The following RP9 variants were observed in gnomAD, a reference collection of about 807,000 sequenced individuals.
RP9 encodes the protein RP9 pre-mRNA splicing factor.
RP9 carries 23 observed loss-of-function variants against 32.6 expected under a neutral mutation model. The observed-to-expected ratio is 0.71, with a 90% confidence interval of 0.51 to 1.00. The LOEUF (loss-of-function observed/expected upper bound fraction) is 1.00. Among genes scored for constraint, RP9 ranks in the 50% least tolerant of loss-of-function variants. RP9 has a pLI of 0.00. For synonymous variants in RP9, 94 were observed against 103.6 expected (o/e 0.91, Z 0.56); for missense variants, 245 against 285.3 (o/e 0.86, Z 1.02).
intron 1 of RP9, among the ~76,000 whole-genome samples, chr7:33,103,662 T>TA (rs1342161965): frequency 6.6e-6 from 1 of 151,162 alleles, no homozygotes; most frequent in Admixed American, 6.6e-5. Context: ...AAAAAAAGTG[T>TA]AAAAAAACTA....
intron 1 of RP9, among the ~76,000 whole-genome samples, chr7:33,105,646 T>C (rs1417884024): frequency 6.6e-6 from 1 of 152,152 alleles, no homozygotes; most frequent in East Asian, 1.9e-4. Context: ...TCAGGACCCC[T>C]CATTCCAGAA....
chr7:33,102,021 C>T lies in RP9; in HGVS notation c.153-1460G>A, dbSNP rs191092748. Among the ~76,000 whole-genome samples the T allele has an allele frequency of 1.9e-4, 29 of 152,176 alleles. No homozygotes were observed. In the East Asian group the frequency reaches 5.0e-3, roughly 26 times the overall value. Reference sequence around the variant, plus strand: ...ATTATACAAAAAATATATGGCCAATCGAATTGAGATCCAAATTCTCAAAAA... The same window carrying T: ...ATTATACAAAAAATATATGGCCAATTGAATTGAGATCCAAATTCTCAAAAA... On this transcript the variant is annotated intron_variant, in intron 1 of 5. Coordinates refer to ENST00000297157, the MANE Select transcript of RP9 (RefSeq NM_203288.2).
chr7:33,107,403 G>T (rs999804536), intron 1 of RP9, among the ~76,000 whole-genome samples: 3 of 152,184 alleles, frequency 2.0e-5, no homozygotes, highest in African/African-American at 7.2e-5. Context: ...ACAAATAAGT[G>T]GAATTAACCA....
intron 1 of RP9, among the ~76,000 whole-genome samples, chr7:33,105,827 G>A (rs963026577): frequency 1.1e-4 from 17 of 152,154 alleles, no homozygotes; most frequent in Admixed American, 9.2e-4. Flanking sequence ...CATAAAAATA[G>A]TTTCCTCTGG....
rs971017973 is a variant in RP9 at position 33,100,393 on chromosome 7, C to T, written c.183+138G>A. ...CTTGTGACAAAACTAAAAATTATGA[C>T]CCCTCATTCATCTGCAGGAAAAGAA... is the stretch of plus-strand genomic sequence containing the variant. On this transcript the variant is annotated intron_variant, in intron 2 of 5. Coordinates refer to ENST00000297157, the MANE Select transcript of RP9 (RefSeq NM_203288.2). 141 of 774,040 alleles carry T rather than the reference C, an allele frequency of 1.8e-4. 1 individual carries two copies. In the East Asian group the frequency reaches 3.2e-3, roughly 17 times the overall value. 47.9% of individuals were successfully genotyped at this position (774,040 alleles called of 1,614,324 possible). A position where few individuals can be genotyped will look rare whatever the true frequency, so the allele number is the denominator to read the frequency against.
intron 1 of RP9, among the ~76,000 whole-genome samples, chr7:33,107,760 G>GT (rs1018428204): frequency 1.3e-5 from 2 of 152,198 alleles, no homozygotes; most frequent in African/African-American, 4.8e-5. Context: ...TATGAATTAT[G>GT]TTTTTTAAAA....
chr7:33,108,577 G>C (rs1788534070), intron 1 of RP9, among the ~76,000 whole-genome samples: 1 of 152,194 alleles, frequency 6.6e-6, no homozygotes, highest in East Asian at 1.9e-4. Flanking sequence ...ATTTTCTGTA[G>C]TAAATGTATC....
intron 1 of RP9, among the ~76,000 whole-genome samples, chr7:33,107,654 A>G (rs746854879): frequency 1.3e-5 from 2 of 152,234 alleles, no homozygotes; most frequent in African/African-American, 2.4e-5. Flanking sequence ...CTGGAAAAAG[A>G]GCAGGCCAGG....
intron 2 of RP9, among the ~76,000 whole-genome samples, chr7:33,099,798 T>C (rs775845142): frequency 1.3e-5 from 2 of 152,096 alleles, no homozygotes; most frequent in South Asian, 2.1e-4. Context: ...CCTGGAATAA[T>C]AGAAATGGCC....
At chr7:33,106,291 C>T (rs1788496936) in intron 1 of RP9, among the ~76,000 whole-genome samples, 1 of 152,060 alleles carries the variant, frequency 6.6e-6, no homozygotes, top group Non-Finnish European at 1.5e-5. Context: ...ACTTCAGCCT[C>T]CCAAGTAGCT....
intron 1 of RP9, among the ~76,000 whole-genome samples, chr7:33,105,828 T>A (rs528392219): frequency 6.6e-6 from 1 of 152,358 alleles, no homozygotes; most frequent in South Asian, 2.1e-4. Flanking sequence ...ATAAAAATAG[T>A]TTCCTCTGGG....
At chr7:33,099,154 G>C in intron 3 of RP9, 153 bp downstream of exon 3, 1 of 838,248 alleles carries the variant, frequency 1.2e-6, no homozygotes. Flanking sequence ...CGGTGGTGGG[G>C]GGTGGGGTGG....
At chr7:33,102,305 C>G (rs571046843) in intron 1 of RP9, among the ~76,000 whole-genome samples, 1 of 152,310 alleles carries the variant, frequency 6.6e-6, no homozygotes, top group African/African-American at 2.4e-5. Context: ...TTAGGTTCTA[C>G]AGTGTGACAG....
intron 1 of RP9, among the ~76,000 whole-genome samples, chr7:33,105,236 G>A (rs1584004450): frequency 6.6e-6 from 1 of 152,176 alleles, no homozygotes; most frequent in East Asian, 1.9e-4. Context: ...AGTACTATTG[G>A]GGCTCAGAAA....
intron 1 of RP9, among the ~76,000 whole-genome samples, chr7:33,102,435 C>T (rs1788438931): frequency 6.6e-6 from 1 of 152,074 alleles, no homozygotes. Flanking sequence ...TCTTGGCCTC[C>T]CAAAGTACTG....
At chr7:33,104,026 CA>C (rs1788464929) in intron 1 of RP9, among the ~76,000 whole-genome samples, 1 of 151,862 alleles carries the variant, frequency 6.6e-6, no homozygotes, top group East Asian at 1.9e-4. Context: ...GAAACAAGAA[CA>C]GGATAATATA....
chr7:33,106,545 T>C (rs1396218761), intron 1 of RP9, among the ~76,000 whole-genome samples: 4 of 152,150 alleles, frequency 2.6e-5, no homozygotes, highest in Non-Finnish European at 4.4e-5. Context: ...TACTGGAAGA[T>C]TGGAAACAAG....
chr7:33,104,250 GAA>G lies in RP9; in HGVS notation c.153-3691_153-3690del, dbSNP rs773481382. Reference sequence around the variant, plus strand: ...AGTTAATGCATTCATGACATGTCAAGAAAAAAAGAGTCAACTGCACAAACTGG... The same window carrying G: ...AGTTAATGCATTCATGACATGTCAAGAAAAAGAGTCAACTGCACAAACTGG... On this transcript the variant is annotated intron_variant, in intron 1 of 5. Coordinates refer to ENST00000297157, the MANE Select transcript of RP9 (RefSeq NM_203288.2). Among the ~76,000 whole-genome samples the G allele has an allele frequency of 3.9e-4, 60 of 152,134 alleles. 1 individual carries two copies. The highest frequency in any genetic ancestry group is 7.2e-4 in the Non-Finnish European group (49 of 67,980).
Position 33,109,156 on chromosome 7 carries a change from G to C in RP9, c.152+65C>G, listed in dbSNP as rs964838494. 2.1e-4 allele frequency: 312 copies of C among 1,460,862 alleles called. 2 individuals carry two copies. Among genetic ancestry groups the C allele is most frequent in the Non-Finnish European group, 5.5e-5 (61 of 1,107,260 alleles). 90.5% of individuals were successfully genotyped at this position (1,460,862 alleles called of 1,614,324 possible). ...GACCCGGCCTAGCGCCCACCGCGGC[G>C]TCCCGCGCCCCGGGCCCCTGGCTTC... On this transcript the variant is annotated intron_variant, in intron 1 of 5. Coordinates refer to ENST00000297157, the MANE Select transcript of RP9 (RefSeq NM_203288.2). This position sits in a 1 kb window ranked among gnomAD's most constrained non-coding sequence, Gnocchi z 4.9.
Sources: gnomAD v4.1 joint callset for allele counts (sites outside exome capture counted in the v4.1 genomes callset) on GRCh38, gnomAD v4.1.1 for gene constraint, Gnocchi (gnomAD v3.1) non-coding constraint, MANE v1.5 for transcripts, NCBI Gene and HGNC (gene_info 2026-07-23, HGNC 2026-07-21) for gene names.